Variants in MORC1 observed in about 807,000 individuals in gnomAD.
The protein encoded by MORC1 is MORC family CW-type zinc finger 1, also known as MORC family CW-type zinc finger protein 1.
Under a neutral mutation model 134.9 loss-of-function variants are expected in MORC1, and 59 were observed. The observed-to-expected ratio is 0.44, with a 90% CI of 0.35 to 0.54. MORC1 has a LOEUF of 0.54. MORC1 is among the 20% of genes least tolerant of loss of function. The pLI, the probability that MORC1 is intolerant of heterozygous loss-of-function variation, is 0.00. For synonymous variants in MORC1, 395 were observed against 391.7 expected, an observed-to-expected ratio of 1.01 and a Z score of -0.10; for missense variants, 947 against 1,134.5, an observed-to-expected ratio of 0.83 and a Z score of 2.37.
intron 20 of MORC1, among the ~76,000 whole-genome samples, chr3:109,003,391 GCACACA>G (rs3054383): frequency 0.011 from 1,654 of 146,740 alleles, 11 homozygotes; most frequent in African/African-American, 0.019. Flanking sequence ...ATATGTGTAT[GCACACA>G]CACACACACA....
intron 24 of MORC1, among the ~76,000 whole-genome samples, chr3:108,975,537 T>A (rs1239810490): frequency 6.6e-6 from 1 of 152,164 alleles, no homozygotes; most frequent in Non-Finnish European, 1.5e-5. Flanking sequence ...GAGCAAGGAC[T>A]GTGAGGTCAG....
Position 109,114,365 on chromosome 3 carries a change from G to A in MORC1, c.119+19C>T. 6.3e-7 allele frequency: 1 copy of A among 1,597,942 alleles called. No individual in the cohort carries two copies. The highest frequency in any genetic ancestry group is 8.6e-7 in the Non-Finnish European group (1 of 1,168,002). On this transcript the variant is annotated intron_variant, in intron 2 of 27. Coordinates refer to ENST00000232603, the MANE Select transcript of MORC1 (RefSeq NM_014429.4). Reference sequence around the variant, plus strand: ...TCATGAAATTCCCTCAGTAACTGTTGTTTACAGATAAACCTTACCTTGCAT... The same window carrying A: ...TCATGAAATTCCCTCAGTAACTGTTATTTACAGATAAACCTTACCTTGCAT...
At chr3:109,055,403 T>G (rs1396832710) in intron 13 of MORC1, among the ~76,000 whole-genome samples, 2 of 152,220 alleles carry the variant, frequency 1.3e-5, no homozygotes, top group Non-Finnish European at 1.5e-5. Flanking sequence ...ATAACCTGCT[T>G]TGGCAAAGAG....
At chr3:109,088,442 T>C (rs1171895996) in intron 8 of MORC1, among the ~76,000 whole-genome samples, 1 of 152,066 alleles carries the variant, frequency 6.6e-6, no homozygotes, top group Non-Finnish European at 1.5e-5. Context: ...AAAGAAAACA[T>C]ACATACAGCC....
intron 24 of MORC1, among the ~76,000 whole-genome samples, chr3:108,975,173 T>A (rs1301571874): frequency 6.6e-6 from 1 of 152,192 alleles, no homozygotes; most frequent in Non-Finnish European, 1.5e-5. Flanking sequence ...ATAACCTAGT[T>A]AATTAGCTTA....
At position 109,054,621 on chromosome 3, in the gene MORC1, G is replaced by C. The variant is rs1576685157; in HGVS notation, c.1330+107C>G. On this transcript the variant is annotated intron_variant, in intron 14 of 27. Transcript: ENST00000232603. ...TTTAAAGCAGGAGCTCCCTTTCAGA[G>C]TTTTCAGTTGCTGGTAATCTGAATT... 2.8e-5 allele frequency: 30 copies of C among 1,053,590 alleles called. No individual in the cohort carries two copies. The East Asian group carries it at 8.4e-4, about 30-fold the overall frequency. 65.3% of individuals were successfully genotyped at this position (1,053,590 alleles called of 1,614,324 possible). A position where few individuals can be genotyped will look rare whatever the true frequency, so the allele number is the denominator to read the frequency against.
chr3:109,107,647 AAAT>A (rs1456400471), intron 3 of MORC1, among the ~76,000 whole-genome samples: 2 of 152,212 alleles, frequency 1.3e-5, no homozygotes, highest in Non-Finnish European at 2.9e-5. Context: ...AGGCCACAGT[AAAT>A]AATCTGAAAA....
rs536487602 is a variant in MORC1 at position 109,093,433 on chromosome 3, T to C, written c.689+3A>G. 7.0e-5 allele frequency: 113 copies of C among 1,605,288 alleles called. No individual in the cohort carries two copies. Among genetic ancestry groups the C allele is most frequent in the Non-Finnish European group, 9.3e-5 (109 of 1,172,272 alleles). ...AAAAACATTCTGTCAAACACACACA[T>C]ACTCCTCCAGAGCTCCAGCCATCAG... On this transcript the variant is annotated splice_donor_region_variant and intron_variant, in intron 8 of 27. Coordinates refer to ENST00000232603, the MANE Select transcript of MORC1 (RefSeq NM_014429.4).
intron 21 of MORC1, among the ~76,000 whole-genome samples, chr3:108,989,555 T>C (rs1947989831): frequency 6.6e-6 from 1 of 152,210 alleles, no homozygotes; most frequent in South Asian, 2.1e-4. Flanking sequence ...CACAGGCAGC[T>C]GTGCAACACC....
At chr3:109,095,515 A>G (rs35469789) in intron 6 of MORC1, among the ~76,000 whole-genome samples, 8,372 of 152,212 alleles carry the variant, frequency 0.055, 541 homozygotes, top group African/African-American at 0.15. Flanking sequence ...GAAGAGAACT[A>G]TAAGTAGCAT....
At position 109,010,231 on chromosome 3, in the gene MORC1, T is replaced by C. The variant is rs180811292; in HGVS notation, c.1705-3140A>G. 1.6e-3 allele frequency among the ~76,000 whole-genome samples: 250 copies of C among 152,280 alleles called. 2 individuals carry two copies. The highest frequency in any genetic ancestry group is 5.9e-3 in the African/African-American group (245 of 41,560). On this transcript the variant is annotated intron_variant, in intron 17 of 27. Transcript: ENST00000232603. ...AACAGGACTAGATTTGGCCCATAGG[T>C]AATAGTTGGTGACCTTTGCTCTATA...
At chr3:109,064,001 A>C (rs957298877) in intron 9 of MORC1, among the ~76,000 whole-genome samples, 2 of 152,150 alleles carry the variant, frequency 1.3e-5, no homozygotes, top group Admixed American at 1.3e-4. Context: ...TAAACCCTAA[A>C]TGTACATCAA....
intron 17 of MORC1, among the ~76,000 whole-genome samples, chr3:109,021,006 T>C (rs1286224697): frequency 6.6e-6 from 1 of 151,956 alleles, no homozygotes. Flanking sequence ...TCAAGCAAAT[T>C]GAAAAACAGG....
intron 8 of MORC1, among the ~76,000 whole-genome samples, chr3:109,083,810 T>C (rs1950566370): frequency 6.6e-6 from 1 of 152,162 alleles, no homozygotes; most frequent in Non-Finnish European, 1.5e-5. Flanking sequence ...AGATCATTCA[T>C]CTTTATCAAA....
chr3:108,992,225 A>G (rs1438619950), intron 21 of MORC1, among the ~76,000 whole-genome samples: 1 of 152,178 alleles, frequency 6.6e-6, no homozygotes, highest in Non-Finnish European at 1.5e-5. Context: ...TGTTCTCTTC[A>G]GAGTTCCCTA....
chr3:109,061,679 TC>T (rs1950086729), intron 11 of MORC1, among the ~76,000 whole-genome samples: 1 of 152,174 alleles, frequency 6.6e-6, no homozygotes, highest in Non-Finnish European at 1.5e-5. Context: ...CATTATTTTT[TC>T]CCTTTCTCCT....
chr3:109,052,650 G>C (rs545442376), intron 14 of MORC1, among the ~76,000 whole-genome samples: 1 of 152,072 alleles, frequency 6.6e-6, no homozygotes, highest in Non-Finnish European at 1.5e-5. Flanking sequence ...CAAATGGAAA[G>C]AAAATATTCT....
chr3:108,986,370 T>C (rs1559872981), intron 22 of MORC1, among the ~76,000 whole-genome samples: 2 of 152,178 alleles, frequency 1.3e-5, no homozygotes, highest in South Asian at 2.1e-4. Context: ...GGAAACTTCA[T>C]GCCTTAAATA....
chr3:109,022,807 G>T (rs1948990337), intron 17 of MORC1, among the ~76,000 whole-genome samples: 1 of 152,148 alleles, frequency 6.6e-6, no homozygotes, highest in African/African-American at 2.4e-5. Flanking sequence ...CCTATTACAT[G>T]AAAGCTGCAG....
Sources: allele counts gnomAD v4.1 joint callset (sites outside exome capture counted in the v4.1 genomes callset), GRCh38; gene constraint gnomAD v4.1.1; transcripts MANE v1.5; gene names NCBI Gene and HGNC (gene_info 2026-07-23, HGNC 2026-07-21).